Variants in PCDH11X observed in about 807,000 individuals in gnomAD.
PCDH11X encodes the protein protocadherin-11 X-linked.
A neutral mutation model predicts 53.3 loss-of-function variants in PCDH11X; 18 were observed. The ratio of observed to expected loss-of-function variants is 0.34; its 90% CI spans 0.23 to 0.50. The LOEUF (loss-of-function observed/expected upper bound fraction) is 0.50. Among genes scored for constraint, PCDH11X ranks in the 20% least tolerant of loss-of-function variants. The probability of loss-of-function intolerance (pLI) is 0.98; values close to 1 mark genes in which losing one functional copy is unlikely to be tolerated. For missense variants in PCDH11X, 570 were observed against 1,032.4 expected, an observed-to-expected ratio of 0.55 and a Z score of 6.14; for synonymous variants, 279 against 393.3, an observed-to-expected ratio of 0.71 and a Z score of 3.44.
intron 5 of PCDH11X, among the ~76,000 whole-genome samples, chrX:91,846,028 G>A (rs961132376): frequency 9.0e-6 from 1 of 110,814 alleles, no homozygotes; most frequent in African/African-American, 3.3e-5. Context: ...TTGTAACTAT[G>A]TCTGGTGTTC....
intron 4 of PCDH11X, among the ~76,000 whole-genome samples, chrX:91,825,790 A>G (rs944655007): frequency 4.7e-5 from 5 of 107,452 alleles, no homozygotes; most frequent in South Asian, 3.9e-4. Flanking sequence ...AATTGTTGGT[A>G]TATATTTGGA....
At position 92,279,360 on chromosome X, in the gene PCDH11X, G is replaced by C. The variant is rs187870765; in HGVS notation, c.3144+16217G>C. 2.3e-4 allele frequency among the ~76,000 whole-genome samples: 26 copies of C among 112,128 alleles called. 1 individual carries two copies. The highest frequency in any genetic ancestry group is 8.4e-4 in the African/African-American group (26 of 30,909). ...ATGCATCTCTTTACTAACAAGACAGGTTACCCTCTTTATTTATTTCCTGAA... is the reference window on the plus strand; with the variant it reads ...ATGCATCTCTTTACTAACAAGACAGCTTACCCTCTTTATTTATTTCCTGAA... On this transcript the variant is annotated intron_variant, in intron 8 of 10. Transcript: ENST00000682573.
Position 92,019,701 on chromosome X carries a change from T to C in PCDH11X, c.3033+140428T>C, listed in dbSNP as rs34924309. Among the ~76,000 whole-genome samples the C allele has an allele frequency of 6.2e-5, 7 of 112,159 alleles. No individual in the cohort carries two copies. In the South Asian group the frequency reaches 2.6e-3, roughly 42 times the overall value. On this transcript the variant is annotated intron_variant, in intron 6 of 10. Coordinates refer to ENST00000682573, the MANE Select transcript of PCDH11X (RefSeq NM_032968.5). ...CATTCAAGAATCACTGGGACACAGC[T>C]AAGGCAGTGTTTAGCGGGAAACTTA...
At chrX:92,382,417 A>G (rs1314850052) in intron 8 of PCDH11X, among the ~76,000 whole-genome samples, 1 of 111,329 alleles carries the variant, frequency 9.0e-6, no homozygotes, top group Non-Finnish European at 1.9e-5. Flanking sequence ...AATTAGAATC[A>G]CAGGGTCACC....
intron 4 of PCDH11X, chrX:91,834,613 G>A (rs979977798): frequency 9.1e-6 from 1 of 110,204 alleles, no homozygotes; most frequent in Non-Finnish European, 1.9e-5. Context: ...ATGTTTGGAC[G>A]TCATCTACCA....
chrX:91,846,511 C>CGGA (rs1338671792), intron 5 of PCDH11X, among the ~76,000 whole-genome samples: 7 of 108,452 alleles, frequency 6.5e-5, no homozygotes, highest in Non-Finnish European at 1.1e-4. Flanking sequence ...CCAGCTACTC[C>CGGA]GGAGGCTGAG....
intron 1 of PCDH11X, among the ~76,000 whole-genome samples, chrX:91,789,344 A>C (rs1051993996): frequency 2.1e-5 from 2 of 93,711 alleles, no homozygotes; most frequent in African/African-American, 7.7e-5. Context: ...AGAGAGGCTT[A>C]AGAATAGGTA....
intron 10 of PCDH11X, among the ~76,000 whole-genome samples, chrX:92,581,103 A>G (rs1923637011): frequency 9.0e-6 from 1 of 111,420 alleles, no homozygotes; most frequent in Admixed American, 9.5e-5. Flanking sequence ...AACATGTTTC[A>G]TTTTGCAATT....
At position 92,414,280 on chromosome X, in the gene PCDH11X, G is replaced by A. The variant is rs370667545; in HGVS notation, c.3343+26347G>A. 5.0e-3 allele frequency among the ~76,000 whole-genome samples: 244 copies of A among 49,160 alleles called. 3 individuals are homozygous for A. Among genetic ancestry groups the A allele is most frequent in the African/African-American group, 0.023 (232 of 9,973 alleles). The allele number at this position is 49,160 out of a possible 115,157, so 42.7% of individuals were successfully genotyped here. On this transcript the variant is annotated intron_variant, in intron 9 of 10. Transcript: ENST00000682573. ...GGCCAATTGGAGAGGTCATTCAATT[G>A]AATTATGGGCTTTTTTATTTTTATT...
chrX:92,114,734 C>A (rs34192628), intron 6 of PCDH11X, among the ~76,000 whole-genome samples: 1 of 111,664 alleles, frequency 9.0e-6, no homozygotes, highest in Non-Finnish European at 1.9e-5. Flanking sequence ...TTGCTCCCTG[C>A]CTTGCATAAA....
intron 6 of PCDH11X, among the ~76,000 whole-genome samples, chrX:91,905,711 CCT>C (rs963358107): frequency 9.0e-6 from 1 of 110,826 alleles, no homozygotes; most frequent in Non-Finnish European, 1.9e-5. Flanking sequence ...TGGTTTTTTT[CCT>C]CTGTGTCAAC....
intron 10 of PCDH11X, among the ~76,000 whole-genome samples, chrX:92,575,542 C>A (rs918353257): frequency 5.5e-5 from 6 of 108,502 alleles, no homozygotes; most frequent in Non-Finnish European, 1.2e-4. Context: ...AATATATTAT[C>A]ATAGGTTCAT....
At chrX:92,142,836 C>A (rs1172721255) in intron 6 of PCDH11X, among the ~76,000 whole-genome samples, 1 of 107,271 alleles carries the variant, frequency 9.3e-6, no homozygotes, top group Non-Finnish European at 1.9e-5. Flanking sequence ...AAATTTTTAT[C>A]CCTAAATTGT....
chrX:92,301,202 C>T (rs963958989), intron 8 of PCDH11X, among the ~76,000 whole-genome samples: 2 of 110,130 alleles, frequency 1.8e-5, no homozygotes, highest in African/African-American at 6.6e-5. Flanking sequence ...AGCTATGATG[C>T]GGGATCCTGC....
At chrX:92,166,682 G>A (rs1338374245) in intron 6 of PCDH11X, among the ~76,000 whole-genome samples, 1 of 110,010 alleles carries the variant, frequency 9.1e-6, no homozygotes, top group East Asian at 2.9e-4. Context: ...AGAATCGCTT[G>A]AGCCCAGTAG....
chrX:92,546,100 C>T (rs2074850392), intron 10 of PCDH11X, among the ~76,000 whole-genome samples: 1 of 107,747 alleles, frequency 9.3e-6, no homozygotes, highest in Non-Finnish European at 2.0e-5. Flanking sequence ...TTTGTCTACT[C>T]TTAGAAATAG....
chrX:92,385,896 A>T (rs2071002591), intron 8 of PCDH11X, among the ~76,000 whole-genome samples: 1 of 111,105 alleles, frequency 9.0e-6, no homozygotes, highest in South Asian at 3.8e-4. Flanking sequence ...TAGTTCCAGC[A>T]AGCTTTTCTT....
At chrX:92,303,237 C>T (rs2148472325) in intron 8 of PCDH11X, among the ~76,000 whole-genome samples, 1 of 111,082 alleles carries the variant, frequency 9.0e-6, no homozygotes, top group South Asian at 3.8e-4. Context: ...GATAACAGCT[C>T]CATGGGTGAA....
At chrX:91,906,838 A>G (rs981865139) in intron 6 of PCDH11X, among the ~76,000 whole-genome samples, 2 of 111,127 alleles carry the variant, frequency 1.8e-5, no homozygotes, top group African/African-American at 6.5e-5. Flanking sequence ...GAATCATGGC[A>G]TTTGTTAGAT....
Sources: allele counts gnomAD v4.1 joint callset (sites outside exome capture counted in the v4.1 genomes callset), GRCh38; gene constraint gnomAD v4.1.1; transcripts MANE v1.5; gene names NCBI Gene and HGNC (gene_info 2026-07-23, HGNC 2026-07-21).